Variants in TEX9 observed in about 807,000 individuals in gnomAD.
The protein encoded by TEX9 is testis-expressed protein 9.
TEX9 carries 74 observed loss-of-function variants against 59.6 expected under a neutral mutation model. That is an observed-to-expected ratio of 1.24 (90% confidence interval 1.03 to 1.51). The LOEUF (loss-of-function observed/expected upper bound fraction) is 1.51, where lower values mean the gene tolerates loss of function less well. Ranked by LOEUF, TEX9 falls within the 40% of genes most tolerant of loss-of-function variation. The pLI, the probability that TEX9 is intolerant of heterozygous loss-of-function variation, is 0.00. For synonymous variants in TEX9, 186 were observed against 152.2 expected (o/e 1.22, Z -1.64); for missense variants, 522 against 447.8 (o/e 1.17, Z -1.49).
chr15:56,271,652 T>A (rs2141397456), intron 1 of TEX9, among the ~76,000 whole-genome samples: 1 of 152,306 alleles, frequency 6.6e-6, no homozygotes, highest in African/African-American at 2.4e-5. Flanking sequence ...TATTTTCTGA[T>A]ATTAATATTG....
chr15:56,414,363 T>C (rs28470906), intron 10 of TEX9, among the ~76,000 whole-genome samples: 3,014 of 151,758 alleles, frequency 0.02, 175 homozygotes, highest in African/African-American at 0.07. Flanking sequence ...CAGTACTCAA[T>C]AGTTATCTCT....
chr15:56,395,783 C>T (rs1425814425), intron 9 of TEX9: 14 of 152,112 alleles, frequency 9.2e-5, no homozygotes, highest in African/African-American at 3.4e-4. Context: ...GGAGAAATGT[C>T]TGTTAAGGTC....
At chr15:56,444,526 T>A (rs2050874275) in intron 12 of TEX9, 2 of 1,609,990 alleles carry the variant, frequency 1.2e-6, no homozygotes, top group Non-Finnish European at 1.7e-6. Context: ...GCTTCCTGCT[T>A]TTTTTTTTCT....
chr15:56,435,178 C>A (rs3848113), intron 12 of TEX9, among the ~76,000 whole-genome samples: 10,431 of 151,912 alleles, frequency 0.069, 445 homozygotes, highest in Non-Finnish European at 0.1. Flanking sequence ...TAAATGGATA[C>A]ATTTAGGAAA....
chr15:56,388,130 CT>C (rs2048045151), intron 4 of TEX9, among the ~76,000 whole-genome samples: 1 of 151,898 alleles, frequency 6.6e-6, no homozygotes, highest in Admixed American at 6.6e-5. Flanking sequence ...ATTGAGTGGG[CT>C]TACAATAAAA....
At chr15:56,341,355 A>G (rs2046369244) in intron 1 of TEX9, among the ~76,000 whole-genome samples, 1 of 152,204 alleles carries the variant, frequency 6.6e-6, no homozygotes, top group African/African-American at 2.4e-5. Flanking sequence ...ATTGCACTCA[A>G]CCACAGTTGA....
chr15:56,314,515 T>C (rs1248739330), intron 1 of TEX9, among the ~76,000 whole-genome samples: 2 of 145,004 alleles, frequency 1.4e-5, no homozygotes, highest in Non-Finnish European at 3.0e-5. Flanking sequence ...GTCTGAGAGA[T>C]AGTTTGTTAT....
the TEX9 span, among the ~76,000 whole-genome samples, chr15:56,452,233 CAGCAA>C: frequency 6.6e-6 from 1 of 152,096 alleles, no homozygotes; most frequent in East Asian, 1.9e-4. Context: ...AAACGAAACA[CAGCAA>C]AATTGGCAAA....
chr15:56,373,411 C>T (rs781180155), intron 2 of TEX9, 30 bp from the exon 3 acceptor site: 4 of 1,580,252 alleles, frequency 2.5e-6, no homozygotes, highest in South Asian at 1.2e-5. Context: ...TTAAGATCTT[C>T]AGTATATCCC....
At chr15:56,404,900 C>G (rs1431199685) in intron 9 of TEX9, among the ~76,000 whole-genome samples, 2 of 152,150 alleles carry the variant, frequency 1.3e-5, no homozygotes, top group African/African-American at 4.8e-5. Flanking sequence ...CCAAACACCG[C>G]ATGTTCTCAC....
chr15:56,400,320 G>A (rs78266017), intron 9 of TEX9, among the ~76,000 whole-genome samples: 19,920 of 152,098 alleles, frequency 0.13, 1,752 homozygotes, highest in East Asian at 0.37. Flanking sequence ...ACCACGGCAC[G>A]AAAACTCCGT....
chr15:56,358,055 G>C (rs755415615), intron 1 of TEX9, among the ~76,000 whole-genome samples: 4 of 152,110 alleles, frequency 2.6e-5, no homozygotes, highest in Non-Finnish European at 5.9e-5. Flanking sequence ...GTTTGAATCT[G>C]CTAGGACCGT....
At chr15:56,424,010 T>C (rs2050122809) in intron 10 of TEX9, among the ~76,000 whole-genome samples, 1 of 152,192 alleles carries the variant, frequency 6.6e-6, no homozygotes, top group Non-Finnish European at 1.5e-5. Flanking sequence ...CTAATTGGTC[T>C]ATAATGTTGT....
At chr15:56,388,560 T>C in intron 5 of TEX9, 40 bp downstream of exon 5, 1 of 1,544,896 alleles carries the variant, frequency 6.5e-7, no homozygotes, top group Non-Finnish European at 8.9e-7. Context: ...TTATATTCTG[T>C]AGAACTCCGG....
chr15:56,283,086 A>C (rs1490117067), intron 1 of TEX9, among the ~76,000 whole-genome samples: 1 of 140,886 alleles, frequency 7.1e-6, no homozygotes, highest in Non-Finnish European at 1.5e-5. Flanking sequence ...GTGTGTACAT[A>C]TACACATACA....
At chr15:56,315,645 C>T (rs1186504292) in intron 1 of TEX9, among the ~76,000 whole-genome samples, 2 of 144,934 alleles carry the variant, frequency 1.4e-5, no homozygotes, top group African/African-American at 4.9e-5. Context: ...TTGCTCTTCT[C>T]GAGGAGTATC....
intron 1 of TEX9, among the ~76,000 whole-genome samples, chr15:56,270,899 A>G (rs966205401): frequency 4.2e-4 from 64 of 152,266 alleles, no homozygotes; most frequent in Non-Finnish European, 4.3e-4. Flanking sequence ...TATGAAGCTT[A>G]ATTTGGCTGG....
At chr15:56,331,866 A>G (rs1457078118) in intron 1 of TEX9, among the ~76,000 whole-genome samples, 3 of 147,560 alleles carry the variant, frequency 2.0e-5, no homozygotes, top group African/African-American at 7.5e-5. Context: ...AACACATGAA[A>G]AAATGCTCAT....
chr15:56,244,073 C>G (rs2141259588), exon 1 of TEX9: 1 of 151,420 alleles, frequency 6.6e-6, no homozygotes, highest in South Asian at 2.1e-4. Context: ...AGCAGGAAAA[C>G]GTGGGGGAGG....
Sources: gnomAD v4.1 joint callset for allele counts (sites outside exome capture counted in the v4.1 genomes callset) on GRCh38, gnomAD v4.1.1 for gene constraint, MANE v1.5 for transcripts, NCBI Gene and HGNC (gene_info 2026-07-23, HGNC 2026-07-21) for gene names.